SEMA6D: variants seen among roughly 807,000 people sequenced by gnomAD.
SEMA6D encodes semaphorin-6D.
Under a neutral mutation model 106.6 loss-of-function variants are expected in SEMA6D, and 35 were observed. That is an observed-to-expected ratio of 0.33 (90% CI 0.25 to 0.44). The LOEUF (loss-of-function observed/expected upper bound fraction) is 0.44. SEMA6D is among the 20% of genes least tolerant of loss of function. SEMA6D has a pLI of 1.00. For missense variants in SEMA6D, 1,185 were observed against 1,345.9 expected (o/e 0.88, Z 1.87); for synonymous variants, 499 against 487.7 (o/e 1.02, Z -0.31).
chr15:47,604,748 G>A (rs1596416307), intron 4 of SEMA6D, among the ~76,000 whole-genome samples: 1 of 152,106 alleles, frequency 6.6e-6, no homozygotes, highest in Admixed American at 6.5e-5. Flanking sequence ...GTTTGCTGGA[G>A]TGCAGTGGCA....
chr15:47,343,015 C>G (rs1418846355), intron 1 of SEMA6D, among the ~76,000 whole-genome samples: 5 of 152,024 alleles, frequency 3.3e-5, no homozygotes, highest in African/African-American at 1.2e-4. Flanking sequence ...GCCCAGCCCT[C>G]AAATTACTTT....
chr15:47,542,508 A>G (rs907771361), intron 3 of SEMA6D, among the ~76,000 whole-genome samples: 1 of 152,150 alleles, frequency 6.6e-6, no homozygotes, highest in African/African-American at 2.4e-5. Flanking sequence ...GGCCAAGCTT[A>G]TGTACAACTC....
At position 47,611,434 on chromosome 15, in the gene SEMA6D, C is replaced by T. The variant is rs144846687; in HGVS notation, c.-55+10538C>T. On this transcript the variant is annotated intron_variant, in intron 4 of 19. Transcript: ENST00000558014. The stretch of plus-strand genomic sequence containing the variant: ...AATTTTTAAGATTTGGGAAAATACT[C>T]AAGCCAAAACATTAAGTGAAAAACC... Among the ~76,000 whole-genome samples the T allele has an allele frequency of 7.0e-3, 1,059 of 152,214 alleles. 5 individuals carry two copies. The highest frequency in any genetic ancestry group is 0.018 in the Admixed American group (280 of 15,276).
intron 1 of SEMA6D, among the ~76,000 whole-genome samples, chr15:47,373,234 C>T (rs781650739): frequency 2.6e-5 from 4 of 152,174 alleles, no homozygotes; most frequent in Non-Finnish European, 5.9e-5. Context: ...TATGGCCCCC[C>T]ACTTGTGCTT....
chr15:47,348,712 CACACACCACACACACAG>C (rs2038159983), intron 1 of SEMA6D, among the ~76,000 whole-genome samples: 3 of 86,478 alleles, frequency 3.5e-5, no homozygotes, highest in African/African-American at 1.7e-4. Flanking sequence ...CACACACACA[CACACACCACACACACAG>C]AGAGAGAGAG....
intron 1 of SEMA6D, among the ~76,000 whole-genome samples, chr15:47,361,611 C>T (rs2038808114): frequency 6.6e-6 from 1 of 152,190 alleles, no homozygotes; most frequent in African/African-American, 2.4e-5. Flanking sequence ...GGCTGTCTGT[C>T]CCTGTTGCAG....
intron 1 of SEMA6D, among the ~76,000 whole-genome samples, chr15:47,238,549 C>T (rs1399606896): frequency 6.6e-6 from 1 of 152,132 alleles, no homozygotes; most frequent in African/African-American, 2.4e-5. Context: ...ATAGATTGTG[C>T]TTTCCTTGGG....
intron 4 of SEMA6D, among the ~76,000 whole-genome samples, chr15:47,660,355 G>C (rs561595016): frequency 1.6e-4 from 25 of 152,210 alleles, no homozygotes; most frequent in African/African-American, 5.8e-4. Context: ...TACAGACCTC[G>C]ACACAATGTG....
At chr15:47,704,103 T>C (rs948941106) in intron 4 of SEMA6D, among the ~76,000 whole-genome samples, 2 of 152,226 alleles carry the variant, frequency 1.3e-5, no homozygotes, top group Non-Finnish European at 2.9e-5. Context: ...AAATAAGCTC[T>C]TCTATGGCTT....
At chr15:47,250,750 A>T (rs1252450081) in intron 1 of SEMA6D, among the ~76,000 whole-genome samples, 2 of 152,184 alleles carry the variant, frequency 1.3e-5, no homozygotes, top group Non-Finnish European at 2.9e-5. Context: ...AGAGCTGAGG[A>T]CCAGAGGGGA....
chr15:47,264,742 T>G (rs1198218999), intron 1 of SEMA6D, among the ~76,000 whole-genome samples: 1 of 152,114 alleles, frequency 6.6e-6, no homozygotes, highest in Non-Finnish European at 1.5e-5. Context: ...TGTGGGTTTT[T>G]CATTAATGTT....
intron 4 of SEMA6D, among the ~76,000 whole-genome samples, chr15:47,668,900 C>A (rs1056878257): frequency 3.3e-5 from 5 of 152,148 alleles, no homozygotes; most frequent in Non-Finnish European, 7.3e-5. Context: ...AATAAATTAC[C>A]GCAGTGCAAT....
At chr15:47,614,792 G>A (rs991022747) in intron 4 of SEMA6D, among the ~76,000 whole-genome samples, 7 of 152,158 alleles carry the variant, frequency 4.6e-5, no homozygotes, top group African/African-American at 1.4e-4. Flanking sequence ...TTTAGACTCT[G>A]CCACTTAGCA....
chr15:47,521,688 TATC>T (rs1188482756), intron 3 of SEMA6D, among the ~76,000 whole-genome samples: 2 of 152,142 alleles, frequency 1.3e-5, no homozygotes. Flanking sequence ...GAAACAAACA[TATC>T]ATAAAGATTC....
At chr15:47,347,239 A>C (rs1283884886) in intron 1 of SEMA6D, among the ~76,000 whole-genome samples, 2 of 152,204 alleles carry the variant, frequency 1.3e-5, no homozygotes, top group Non-Finnish European at 2.9e-5. Flanking sequence ...AGGTAAACCA[A>C]ATTACCTTAG....
intron 3 of SEMA6D, among the ~76,000 whole-genome samples, chr15:47,533,474 A>G (rs2045046138): frequency 1.3e-5 from 2 of 152,240 alleles, no homozygotes; most frequent in African/African-American, 4.8e-5. Flanking sequence ...TACAATAGTC[A>G]GCAGAAAGTG....
chr15:47,196,057 T>C (rs2141009650), intron 1 of SEMA6D, among the ~76,000 whole-genome samples: 1 of 149,140 alleles, frequency 6.7e-6, no homozygotes, highest in African/African-American at 2.5e-5. Context: ...GAGAACAGGG[T>C]TAACCACCCA....
At chr15:47,444,197 T>C (rs2041962792) in intron 2 of SEMA6D, among the ~76,000 whole-genome samples, 1 of 152,160 alleles carries the variant, frequency 6.6e-6, no homozygotes, top group Non-Finnish European at 1.5e-5. Flanking sequence ...TTTATAATCA[T>C]GTGCACATGC....
chr15:47,699,720 G>T (rs2078770287), intron 4 of SEMA6D, among the ~76,000 whole-genome samples: 1 of 152,158 alleles, frequency 6.6e-6, no homozygotes, highest in Admixed American at 6.5e-5. Flanking sequence ...GCAAATTCAA[G>T]ACATTTCACT....
Sources: gnomAD v4.1 joint callset for allele counts (sites outside exome capture counted in the v4.1 genomes callset) on GRCh38, gnomAD v4.1.1 for gene constraint, MANE v1.5 for transcripts, NCBI Gene and HGNC (gene_info 2026-07-23, HGNC 2026-07-21) for gene names.